The following LHFPL6 variants were observed in gnomAD, a reference collection of about 807,000 sequenced individuals.
LHFPL6 encodes the protein LHFPL tetraspan subfamily member 6 protein.
A neutral mutation model predicts 20.6 loss-of-function variants in LHFPL6; 9 were observed. The ratio of observed to expected loss-of-function variants is 0.44; its 90% CI spans 0.26 to 0.76. LHFPL6 has a LOEUF of 0.76. Ranked by LOEUF, LHFPL6 falls within the 30% of genes least tolerant of loss-of-function variation. The probability of loss-of-function intolerance (pLI) is 0.20; values close to 1 mark genes in which losing one functional copy is unlikely to be tolerated. For missense variants in LHFPL6, 218 were observed against 253.5 expected, an observed-to-expected ratio of 0.86 and a Z score of 0.95; for synonymous variants, 105 against 98.7, an observed-to-expected ratio of 1.06 and a Z score of -0.38.
rs193052214 is a variant in LHFPL6 at position 39,570,708 on chromosome 13, G to A, written c.385+30124C>T. 1.6e-4 allele frequency among the ~76,000 whole-genome samples: 25 copies of A among 152,240 alleles called. No homozygotes were observed. In the East Asian group the frequency reaches 4.2e-3, roughly 26 times the overall value. The stretch of plus-strand genomic sequence containing the variant: ...TTATAGCTCTGGTAGATATAAAATA[G>A]TTGTACTTTAAGTATTAACACTATC... On this transcript the variant is annotated intron_variant, in intron 2 of 3. Coordinates refer to ENST00000379589, the MANE Select transcript of LHFPL6 (RefSeq NM_005780.3).
intron 2 of LHFPL6, among the ~76,000 whole-genome samples, chr13:39,507,672 CATA>C (rs1869532713): frequency 2.6e-5 from 4 of 152,212 alleles, no homozygotes; most frequent in Middle Eastern, 3.4e-3. Flanking sequence ...CAGTAATATT[CATA>C]ATAATACCAA....
intron 2 of LHFPL6, among the ~76,000 whole-genome samples, chr13:39,596,806 T>C (rs555290100): frequency 6.6e-6 from 1 of 152,312 alleles, no homozygotes; most frequent in South Asian, 2.1e-4. Flanking sequence ...ATTTAGCTTA[T>C]TACTCAGCTG....
At chr13:39,475,047 T>C (rs1873048875) in intron 2 of LHFPL6, among the ~76,000 whole-genome samples, 1 of 152,214 alleles carries the variant, frequency 6.6e-6, no homozygotes, top group South Asian at 2.1e-4. Context: ...ACCCAGAGCC[T>C]GTGTTTTGAA....
At chr13:39,412,930 A>AG (rs1871266467) in intron 2 of LHFPL6, among the ~76,000 whole-genome samples, 1 of 151,698 alleles carries the variant, frequency 6.6e-6, no homozygotes, top group Admixed American at 6.6e-5. Flanking sequence ...CTCAAAAAAA[A>AG]AAAAAGAAAA....
At chr13:39,560,017 G>A (rs1871421653) in intron 2 of LHFPL6, among the ~76,000 whole-genome samples, 1 of 152,068 alleles carries the variant, frequency 6.6e-6, no homozygotes, top group South Asian at 2.1e-4. Context: ...CCACCCACAA[G>A]ACCAACTGAG....
chr13:39,528,655 A>T lies in LHFPL6; in HGVS notation c.385+72177T>A, dbSNP rs76291331. ...TTCCATTTTAGGGAAAGTGGCAGGC[A>T]AGATAAAACATAGTGGAAAATAGAA... On this transcript the variant is annotated intron_variant, in intron 2 of 3. Transcript: ENST00000379589. 4.7e-3 allele frequency among the ~76,000 whole-genome samples: 713 copies of T among 152,336 alleles called. 3 individuals are homozygous for T. The highest frequency in any genetic ancestry group is 0.017 in the African/African-American group (690 of 41,576).
intron 3 of LHFPL6, among the ~76,000 whole-genome samples, chr13:39,359,677 T>G (rs1002809483): frequency 2.6e-5 from 4 of 152,156 alleles, no homozygotes; most frequent in Non-Finnish European, 5.9e-5. Context: ...TTGGGTGCTA[T>G]GCTCACTTCT....
intron 2 of LHFPL6, among the ~76,000 whole-genome samples, chr13:39,557,785 A>G (rs6563726): frequency 0.86 from 131,117 of 152,246 alleles, 56,593 homozygotes; most frequent in South Asian, 0.93. Context: ...AATCTCTCTG[A>G]CAGGTGTTGC....
At chr13:39,550,101 A>G (rs1345378357) in intron 2 of LHFPL6, among the ~76,000 whole-genome samples, 1 of 152,186 alleles carries the variant, frequency 6.6e-6, no homozygotes, top group African/African-American at 2.4e-5. Context: ...CCATTGAATT[A>G]TATATTTTAA....
chr13:39,505,255 G>GC (rs1869436611), intron 2 of LHFPL6, among the ~76,000 whole-genome samples: 2 of 152,186 alleles, frequency 1.3e-5, no homozygotes, highest in Admixed American at 1.3e-4. Context: ...CAGAATCACT[G>GC]CTATTTCCAC....
intron 2 of LHFPL6, among the ~76,000 whole-genome samples, chr13:39,562,297 C>A (rs1307026492): frequency 6.6e-6 from 1 of 150,616 alleles, no homozygotes; most frequent in African/African-American, 2.4e-5. Flanking sequence ...AAGAGTAATC[C>A]TCTTCCAGTG....
chr13:39,363,721 C>T (rs745574203), intron 3 of LHFPL6, among the ~76,000 whole-genome samples: 3 of 152,196 alleles, frequency 2.0e-5, no homozygotes, highest in South Asian at 2.1e-4. Context: ...TAAAGCAGGC[C>T]GGTGATGCTG....
At chr13:39,358,308 T>G (rs1869779586) in intron 3 of LHFPL6, among the ~76,000 whole-genome samples, 1 of 152,154 alleles carries the variant, frequency 6.6e-6, no homozygotes, top group South Asian at 2.1e-4. Context: ...CGATTCCCTA[T>G]TCGATAAATG....
intron 2 of LHFPL6, among the ~76,000 whole-genome samples, chr13:39,533,775 CAAT>C (rs368817092): frequency 3.3e-5 from 5 of 152,276 alleles, no homozygotes; most frequent in African/African-American, 1.2e-4. Context: ...TGAAGCAAGA[CAAT>C]AATGCTACAG....
intron 2 of LHFPL6, among the ~76,000 whole-genome samples, chr13:39,575,073 A>G (rs1174010407): frequency 1.3e-5 from 2 of 150,246 alleles, no homozygotes; most frequent in Non-Finnish European, 3.0e-5. Flanking sequence ...CATCTCAAGA[A>G]AAAAAAAAAT....
intron 3 of LHFPL6, among the ~76,000 whole-genome samples, chr13:39,352,937 G>GTGCATATATATATAAATGTATATATA (rs1869624601): frequency 2.6e-5 from 1 of 38,390 alleles, no homozygotes; most frequent in African/African-American, 1.0e-4. Context: ...GTATATATAT[G>GTGCATATATATATAAATGTATATATA]TGTGTATATA....
At chr13:39,540,684 A>G (rs948964227) in intron 2 of LHFPL6, among the ~76,000 whole-genome samples, 4 of 152,194 alleles carry the variant, frequency 2.6e-5, no homozygotes, top group African/African-American at 9.7e-5. Flanking sequence ...CTTCTGTAAA[A>G]TAGGCTTCCA....
intron 2 of LHFPL6, among the ~76,000 whole-genome samples, chr13:39,405,732 C>A (rs895837332): frequency 6.6e-6 from 1 of 152,176 alleles, no homozygotes; most frequent in Non-Finnish European, 1.5e-5. Flanking sequence ...ATAACAAAAG[C>A]AGGTGCTGCA....
intron 2 of LHFPL6, among the ~76,000 whole-genome samples, chr13:39,380,473 A>T (rs1566098112): frequency 6.6e-6 from 1 of 150,416 alleles, no homozygotes; most frequent in South Asian, 2.1e-4. Context: ...ACATTACCAC[A>T]TGAGCTCTGC....
Sources: gnomAD v4.1 joint callset for allele counts (sites outside exome capture counted in the v4.1 genomes callset) on GRCh38, gnomAD v4.1.1 for gene constraint, MANE v1.5 for transcripts, NCBI Gene and HGNC (gene_info 2026-07-23, HGNC 2026-07-21) for gene names.